THSD4: variants seen among roughly 807,000 people sequenced by gnomAD.
THSD4 encodes the protein thrombospondin type 1 domain containing 4.
Under a neutral mutation model 119.0 loss-of-function variants are expected in THSD4, and 69 were observed. The observed-to-expected ratio is 0.58, with a 90% confidence interval of 0.48 to 0.71. THSD4 has a LOEUF of 0.71. Ranked by LOEUF, THSD4 falls within the 30% of genes least tolerant of loss-of-function variation. The pLI, the probability that THSD4 is intolerant of heterozygous loss-of-function variation, is 0.00. For missense variants in THSD4, 1,393 were observed against 1,391.1 expected, an observed-to-expected ratio of 1.00 and a Z score of -0.02; for synonymous variants, 524 against 540.4, an observed-to-expected ratio of 0.97 and a Z score of 0.42.
chr15:71,424,936 G>A (rs1303587663), intron 7 of THSD4, among the ~76,000 whole-genome samples: 1 of 152,104 alleles, frequency 6.6e-6, no homozygotes, highest in Non-Finnish European at 1.5e-5. Flanking sequence ...CTAGCTCCCT[G>A]GAGACCAACC....
At chr15:71,396,026 G>A (rs569663458) in intron 6 of THSD4, among the ~76,000 whole-genome samples, 4 of 151,536 alleles carry the variant, frequency 2.6e-5, no homozygotes, top group African/African-American at 9.7e-5. Context: ...ACGCATTCAA[G>A]TGCCAGCCTT....
At position 71,758,065 on chromosome 15, in the gene THSD4, G is replaced by A. The variant is rs1384118491; in HGVS notation, c.2579G>A (p.Ser860Asn). ...CTGKVEWFAGSWSQCSIECGS... is the reference protein window; with the variant it reads ...CTGKVEWFAGNWSQCSIECGS... ...GGCAAGGTGGAGTGGTTTGCCGGGA[G>A]CTGGAGTCAGGTGAGTGGCCAGAAC... Residue 860 changes from serine to asparagine, a missense_variant, in exon 15 of 18, where the codon AGC becomes AAC. Ser to Asn is a conservative substitution (Grantham distance 46). Coordinates refer to ENST00000261862, the MANE Select transcript of THSD4 (RefSeq NM_024817.3). 1 of 1,580,244 alleles carries A rather than the reference G, an allele frequency of 6.3e-7. No homozygotes were observed. The highest frequency in any genetic ancestry group is 1.1e-5 in the South Asian group (1 of 87,246).
At chr15:71,310,443 G>A (rs1382513138) in intron 6 of THSD4, among the ~76,000 whole-genome samples, 1 of 152,166 alleles carries the variant, frequency 6.6e-6, no homozygotes, top group Non-Finnish European at 1.5e-5. Context: ...AGGGAAAAGT[G>A]TCCATATTTT....
chr15:71,486,418 T>G (rs993811869), intron 7 of THSD4, among the ~76,000 whole-genome samples: 1 of 152,180 alleles, frequency 6.6e-6, no homozygotes, highest in African/African-American at 2.4e-5. Context: ...GTGAATTAAA[T>G]GAGAAAGTTA....
intron 3 of THSD4, among the ~76,000 whole-genome samples, chr15:71,206,219 C>T (rs1400489779): frequency 1.3e-5 from 2 of 152,148 alleles, no homozygotes; most frequent in Non-Finnish European, 2.9e-5. Context: ...ACCACGTTGG[C>T]CAGGCTAGTC....
intron 6 of THSD4, among the ~76,000 whole-genome samples, chr15:71,313,524 T>G (rs2045141742): frequency 1.3e-5 from 2 of 152,172 alleles, no homozygotes; most frequent in South Asian, 4.1e-4. Flanking sequence ...GACACACAGC[T>G]AATGCATGCT....
At chr15:71,767,958 A>G (rs1362625339) in intron 16 of THSD4, among the ~76,000 whole-genome samples, 1 of 152,220 alleles carries the variant, frequency 6.6e-6, no homozygotes, top group Non-Finnish European at 1.5e-5. Flanking sequence ...AACACATTAT[A>G]TGTGTTTAAA....
intron 6 of THSD4, among the ~76,000 whole-genome samples, chr15:71,309,822 G>T (rs1197791431): frequency 6.6e-6 from 1 of 152,180 alleles, no homozygotes; most frequent in Non-Finnish European, 1.5e-5. Context: ...TTAATAAAAA[G>T]ATATACTTGA....
intron 7 of THSD4, among the ~76,000 whole-genome samples, chr15:71,507,594 G>A (rs8024811): frequency 0.022 from 3,289 of 152,244 alleles, 94 homozygotes; most frequent in African/African-American, 0.066. Flanking sequence ...GAGAGAAGGG[G>A]AGTAGTCAGG....
At chr15:71,366,883 T>C (rs1182577360) in intron 6 of THSD4, among the ~76,000 whole-genome samples, 1 of 152,176 alleles carries the variant, frequency 6.6e-6, no homozygotes, top group Non-Finnish European at 1.5e-5. Flanking sequence ...TCTAATGGTC[T>C]CAGTGAAGCG....
At chr15:71,427,409 T>C (rs963819883) in intron 7 of THSD4, among the ~76,000 whole-genome samples, 1 of 151,652 alleles carries the variant, frequency 6.6e-6, no homozygotes, top group African/African-American at 2.4e-5. Context: ...TCAACAAATA[T>C]TATGATGAAT....
At chr15:71,572,925 GA>G (rs2049384095) in intron 7 of THSD4, among the ~76,000 whole-genome samples, 1 of 152,172 alleles carries the variant, frequency 6.6e-6, no homozygotes, top group Non-Finnish European at 1.5e-5. Context: ...CTGAGTTTAA[GA>G]TACCTGGGAA....
chr15:71,525,264 G>A (rs2048502522), intron 7 of THSD4, among the ~76,000 whole-genome samples: 2 of 152,114 alleles, frequency 1.3e-5, no homozygotes, highest in Non-Finnish European at 2.9e-5. Context: ...GGCACATAGA[G>A]ATTAAATTAC....
At chr15:71,623,125 A>G (rs528468773) in intron 7 of THSD4, among the ~76,000 whole-genome samples, 1 of 152,306 alleles carries the variant, frequency 6.6e-6, no homozygotes, top group African/African-American at 2.4e-5. Flanking sequence ...ATTTGGTGCC[A>G]CTGGAAAGAA....
At chr15:71,198,004 C>T (rs1194819487) in intron 3 of THSD4, among the ~76,000 whole-genome samples, 4 of 152,114 alleles carry the variant, frequency 2.6e-5, no homozygotes, top group African/African-American at 9.7e-5. Flanking sequence ...CTTATAATCC[C>T]AACACTTTGG....
intron 14 of THSD4, among the ~76,000 whole-genome samples, chr15:71,753,134 T>G (rs1276076273): frequency 1.3e-5 from 2 of 152,220 alleles, no homozygotes; most frequent in Non-Finnish European, 2.9e-5. Context: ...ATTGAGGTTG[T>G]AACCCCAGTC....
chr15:71,288,186 T>C (rs2044743762), intron 6 of THSD4, among the ~76,000 whole-genome samples: 1 of 152,168 alleles, frequency 6.6e-6, no homozygotes, highest in African/African-American at 2.4e-5. Context: ...ATGATAAAAA[T>C]GAACCAGTCC....
At position 71,641,012 on chromosome 15, in the gene THSD4, C is replaced by CACTT. The variant is rs1555435001; in HGVS notation, c.1153-19515_1153-19512dup. ...ACACACACACACACACACACACACA[C>CACTT]ACTTACACACTCTGATCATTTAGTC... On this transcript the variant is annotated intron_variant, in intron 7 of 17. Transcript: ENST00000261862. Among the ~76,000 whole-genome samples, 137 of 148,082 alleles carry CACTT rather than the reference C, an allele frequency of 9.3e-4. 1 individual carries two copies. Among genetic ancestry groups the CACTT allele is most frequent in the African/African-American group, 3.3e-3 (135 of 40,320 alleles).
intron 6 of THSD4, among the ~76,000 whole-genome samples, chr15:71,398,410 A>G (rs2140480622): frequency 6.6e-6 from 1 of 152,212 alleles, no homozygotes; most frequent in South Asian, 2.1e-4. Flanking sequence ...AGTCAGACAA[A>G]TGGGGAGAGG....
Sources: allele counts gnomAD v4.1 joint callset (sites outside exome capture counted in the v4.1 genomes callset), GRCh38; gene constraint gnomAD v4.1.1; transcripts MANE v1.5; gene names NCBI Gene and HGNC (gene_info 2026-07-23, HGNC 2026-07-21).